The following CTNNA2 variants were observed in gnomAD, a reference collection of about 807,000 sequenced individuals.
CTNNA2 encodes the protein catenin alpha 2.
In CTNNA2, 42 loss-of-function variants were observed where a neutral mutation model predicts 101.0. The ratio of observed to expected loss-of-function variants is 0.42; its 90% CI spans 0.32 to 0.54. The LOEUF (loss-of-function observed/expected upper bound fraction) is 0.54, where lower values mean the gene tolerates loss of function less well. CTNNA2 is among the 20% of genes least tolerant of loss of function. CTNNA2 has a pLI of 0.14. For synonymous variants in CTNNA2, 450 were observed against 456.4 expected, an observed-to-expected ratio of 0.99 and a Z score of 0.18; for missense variants, 871 against 1,223.1, an observed-to-expected ratio of 0.71 and a Z score of 4.29.
At chr2:80,429,217 C>T (rs1681262695) in intron 9 of CTNNA2, among the ~76,000 whole-genome samples, 1 of 152,108 alleles carries the variant, frequency 6.6e-6, no homozygotes. Context: ...AAGGCCCCCC[C>T]TTAGACTCTT....
intron 3 of CTNNA2, among the ~76,000 whole-genome samples, chr2:79,333,307 T>C (rs903607993): frequency 1.3e-5 from 2 of 152,050 alleles, no homozygotes; most frequent in African/African-American, 4.8e-5. Context: ...AGACTGTGGG[T>C]TCAAATTTAG....
intron 2 of CTNNA2, among the ~76,000 whole-genome samples, chr2:79,669,570 G>A (rs114652118): frequency 1.3e-5 from 2 of 152,164 alleles, no homozygotes; most frequent in East Asian, 3.9e-4. Flanking sequence ...TTGTCCAGTC[G>A]AGTGTTCAGC....
At chr2:79,362,152 G>A (rs1050977640) in intron 3 of CTNNA2, among the ~76,000 whole-genome samples, 11 of 152,142 alleles carry the variant, frequency 7.2e-5, no homozygotes, top group Non-Finnish European at 8.8e-5. Flanking sequence ...AGCCAGCTGT[G>A]CCAACCAGGA....
At chr2:80,461,828 G>A (rs1684454702) in intron 9 of CTNNA2, among the ~76,000 whole-genome samples, 1 of 152,114 alleles carries the variant, frequency 6.6e-6, no homozygotes, top group South Asian at 2.1e-4. Context: ...TCCCTCAGAA[G>A]AATGATATTT....
At chr2:79,747,822 C>T (rs942642003) in intron 3 of CTNNA2, among the ~76,000 whole-genome samples, 1 of 152,140 alleles carries the variant, frequency 6.6e-6, no homozygotes. Flanking sequence ...TTTCTTCTTA[C>T]AAAACAATTC....
At chr2:79,519,158 G>A (rs748743759) in intron 1 of CTNNA2, among the ~76,000 whole-genome samples, 18 of 151,300 alleles carry the variant, frequency 1.2e-4, no homozygotes, top group Non-Finnish European at 2.5e-4. Context: ...GAACCCAGGA[G>A]GCGGAGGCTG....
intron 9 of CTNNA2, among the ~76,000 whole-genome samples, chr2:80,436,073 C>G (rs1028365004): frequency 6.6e-6 from 1 of 152,086 alleles, no homozygotes; most frequent in East Asian, 1.9e-4. Flanking sequence ...TAAATAAGCC[C>G]CATCCAAAGT....
chr2:79,534,575 G>A (rs934259944), intron 1 of CTNNA2, among the ~76,000 whole-genome samples: 12 of 151,632 alleles, frequency 7.9e-5, no homozygotes, highest in African/African-American at 2.9e-4. Flanking sequence ...GTAAATGAAC[G>A]TTAGTTTATT....
chr2:79,241,914 C>CTT (rs532036622), intron 2 of CTNNA2, among the ~76,000 whole-genome samples: 11 of 116,910 alleles, frequency 9.4e-5, no homozygotes, highest in African/African-American at 3.3e-4. Context: ...CTTTTCTTTT[C>CTT]TTTTTTTTTG....
intron 15 of CTNNA2, among the ~76,000 whole-genome samples, chr2:80,595,042 G>A (rs111806095): frequency 3.0e-4 from 45 of 152,206 alleles, no homozygotes; most frequent in African/African-American, 1.1e-3. Context: ...TGGCCAAAAT[G>A]CCTTTGGGTT....
chr2:79,635,874 A>T (rs1471265881), intron 1 of CTNNA2, among the ~76,000 whole-genome samples: 5 of 151,966 alleles, frequency 3.3e-5, no homozygotes, highest in African/African-American at 1.2e-4. Flanking sequence ...AGATGAGTTC[A>T]CTTTTAAGCC....
intron 17 of CTNNA2, among the ~76,000 whole-genome samples, chr2:80,615,005 C>T (rs1037498487): frequency 1.3e-5 from 2 of 151,048 alleles, no homozygotes; most frequent in Admixed American, 1.3e-4. Context: ...TCTACTGGGG[C>T]TTACCCCAGG....
At chr2:80,301,262 A>T (rs993051592) in intron 7 of CTNNA2, among the ~76,000 whole-genome samples, 1 of 152,228 alleles carries the variant, frequency 6.6e-6, no homozygotes. Context: ...GTGCTCCAGA[A>T]GCACAGCTTT....
intron 7 of CTNNA2, among the ~76,000 whole-genome samples, chr2:80,189,033 A>G (rs1706307083): frequency 7.0e-6 from 1 of 142,508 alleles, no homozygotes; most frequent in Admixed American, 7.4e-5. Context: ...GCTCACTGCA[A>G]CCTCCCATCT....
chr2:79,858,003 TG>T lies in CTNNA2; in HGVS notation c.299-9del, dbSNP rs754239336. The stretch of plus-strand genomic sequence containing the variant: ...GTCTACCCACCTGCCTCTCCGTGTC[TG>T]TCTTCCAGGTGAGACGATGCGGATC... On this transcript the variant is annotated splice_polypyrimidine_tract_variant and intron_variant, in intron 3 of 18. Transcript: ENST00000402739. 9 of 1,605,954 alleles carry T rather than the reference TG, an allele frequency of 5.6e-6. No homozygotes were observed. The highest frequency in any genetic ancestry group is 7.7e-6 in the Non-Finnish European group (9 of 1,173,298).
At chr2:80,180,514 CAG>C (rs1163432460) in intron 7 of CTNNA2, among the ~76,000 whole-genome samples, 1 of 152,186 alleles carries the variant, frequency 6.6e-6, no homozygotes, top group African/African-American at 2.4e-5. Flanking sequence ...TTGCCTTTGA[CAG>C]TTGAGTGCTG....
intron 7 of CTNNA2, among the ~76,000 whole-genome samples, chr2:79,998,363 A>ATGAT (rs1465672410): frequency 6.6e-6 from 1 of 152,252 alleles, no homozygotes; most frequent in African/African-American, 2.4e-5. Context: ...TAATTCTTAA[A>ATGAT]TGATAGACAA....
chr2:79,505,707 A>G (rs897020994), intron 5 of CTNNA2, among the ~76,000 whole-genome samples: 24 of 152,298 alleles, frequency 1.6e-4, no homozygotes, highest in Admixed American at 4.6e-4. Flanking sequence ...GGGCTGCATT[A>G]TGGAAAGGTG....
At chr2:80,456,128 G>A (rs1430088843) in intron 9 of CTNNA2, among the ~76,000 whole-genome samples, 1 of 152,196 alleles carries the variant, frequency 6.6e-6, no homozygotes, top group Non-Finnish European at 1.5e-5. Flanking sequence ...TGTGGGATGT[G>A]CTGAATGCAT....
Sources: allele counts gnomAD v4.1 joint callset (sites outside exome capture counted in the v4.1 genomes callset), GRCh38; gene constraint gnomAD v4.1.1; transcripts MANE v1.5; gene names NCBI Gene and HGNC (gene_info 2026-07-23, HGNC 2026-07-21).